Variants in WNT4 observed in about 807,000 individuals in gnomAD.
WNT4 encodes the protein Wnt family member 4.
Under a neutral mutation model 34.5 loss-of-function variants are expected in WNT4, and 16 were observed. The ratio of observed to expected loss-of-function variants is 0.46; its 90% CI spans 0.31 to 0.70. The LOEUF (loss-of-function observed/expected upper bound fraction) is 0.70. Among genes scored for constraint, WNT4 ranks in the 30% least tolerant of loss-of-function variants. WNT4 has a pLI of 0.04. For synonymous variants in WNT4, 200 were observed against 211.9 expected, an observed-to-expected ratio of 0.94 and a Z score of 0.49; for missense variants, 379 against 495.9, an observed-to-expected ratio of 0.76 and a Z score of 2.24.
At chr1:22,136,525 G>T (rs1646022855) in intron 1 of WNT4, among the ~76,000 whole-genome samples, 1 of 152,150 alleles carries the variant, frequency 6.6e-6, no homozygotes, top group Admixed American at 6.5e-5. Flanking sequence ...CCTTCCAAAG[G>T]CCCAGTCCTA....
At position 22,137,451 on chromosome 1, in the gene WNT4, C is replaced by T. The variant is rs1646031742; in HGVS notation, c.77+5395G>A. On this transcript the variant is annotated intron_variant, in intron 1 of 4. Coordinates refer to ENST00000290167, the MANE Select transcript of WNT4 (RefSeq NM_030761.5). The surrounding 1 kb of genome is among the most constrained non-coding windows in gnomAD (Gnocchi z 5.3). ...CCCACGGCAGGCAGCTGTCACCCCA[C>T]CCATGGCTCCCTGGCCAATCTGCGC... 6.6e-6 allele frequency among the ~76,000 whole-genome samples: 1 copy of T among 152,188 alleles called. No individual in the cohort carries two copies. The highest frequency in any genetic ancestry group is 6.5e-5 in the Admixed American group (1 of 15,292).
rs3765351 is a variant in WNT4, at chr1:22,119,498, C to T, written c.*552G>A. ...CTGTCCATGTAAGGGCTGAAATGAA[C>T]CTGGTGCCCTTGACCTGGTATCTGC... On this transcript the variant is annotated 3_prime_UTR_variant, in exon 5 of 5. Transcript: ENST00000290167. 0.5 allele frequency: 83,258 copies of T among 165,700 alleles called. 21,623 individuals carry two copies. Among genetic ancestry groups the T allele is most frequent in the Middle Eastern group, 0.57 (181 of 316 alleles). 10.3% of individuals were successfully genotyped at this position (165,700 alleles called of 1,614,324 possible). A position where few individuals can be genotyped will look rare whatever the true frequency, so the allele number is the denominator to read the frequency against.
chr1:22,132,194 G>A (rs1057397261), intron 1 of WNT4, among the ~76,000 whole-genome samples: 12 of 152,222 alleles, frequency 7.9e-5, no homozygotes, highest in Non-Finnish European at 7.4e-5. Context: ...TGCTCAGACC[G>A]AGGCTTGGCC....
intron 2 of WNT4, among the ~76,000 whole-genome samples, chr1:22,124,602 G>GTGAGGCT (rs1159258819): frequency 6.6e-6 from 1 of 152,250 alleles, no homozygotes; most frequent in Non-Finnish European, 1.5e-5. Flanking sequence ...GGAAGAAAAG[G>GTGAGGCT]TGAGGCTTGG....
chr1:22,133,849 C>T (rs925959841), intron 1 of WNT4, among the ~76,000 whole-genome samples: 75 of 152,336 alleles, frequency 4.9e-4, no homozygotes, highest in African/African-American at 8.4e-4. Context: ...CTACAGCCTG[C>T]GAGGCTGGAG....
chr1:22,130,296 T>C (rs1645973529), intron 1 of WNT4, among the ~76,000 whole-genome samples: 1 of 152,206 alleles, frequency 6.6e-6, no homozygotes, highest in Admixed American at 6.5e-5. Context: ...CCAGTGATCC[T>C]TGGCTGATCT....
At chr1:22,136,371 C>G (rs983412277) in intron 1 of WNT4, among the ~76,000 whole-genome samples, 1 of 152,216 alleles carries the variant, frequency 6.6e-6, no homozygotes. Context: ...ACCCATTGAA[C>G]TGTCCTCCCT....
At chr1:22,122,127 T>C (rs568285584) in intron 2 of WNT4, among the ~76,000 whole-genome samples, 7 of 152,342 alleles carry the variant, frequency 4.6e-5, no homozygotes, top group Non-Finnish European at 4.4e-5. Context: ...ATGTATGATC[T>C]TGCCCCTTCC....
intron 1 of WNT4, among the ~76,000 whole-genome samples, chr1:22,130,406 G>A (rs1369100111): frequency 1.3e-5 from 2 of 152,224 alleles, no homozygotes; most frequent in Non-Finnish European, 2.9e-5. Flanking sequence ...GGGACAATGA[G>A]GGCAGTGATG....
chr1:22,132,407 T>C (rs1167205149), intron 1 of WNT4, among the ~76,000 whole-genome samples: 1 of 152,178 alleles, frequency 6.6e-6, no homozygotes, highest in African/African-American at 2.4e-5. Flanking sequence ...ACCATGACCT[T>C]GGGCAAGTCC....
rs1646072094 is a variant in WNT4 at position 22,142,041 on chromosome 1, C to T, written c.77+805G>A. 6.6e-6 allele frequency among the ~76,000 whole-genome samples: 1 copy of T among 152,166 alleles called. No homozygotes were observed. The highest frequency in any genetic ancestry group is 2.1e-4 in the South Asian group (1 of 4,838). Reference sequence around the variant, plus strand: ...GCGGGTCCGCTTGCTCCCTGTCCACCCACTCACTGGAGCTCATCCCTTTAG... The same window carrying T: ...GCGGGTCCGCTTGCTCCCTGTCCACTCACTCACTGGAGCTCATCCCTTTAG... On this transcript the variant is annotated intron_variant, in intron 1 of 4. Coordinates refer to ENST00000290167, the MANE Select transcript of WNT4 (RefSeq NM_030761.5). The surrounding 1 kb of genome is among the most constrained non-coding windows in gnomAD (Gnocchi z 6.0).
Position 22,140,211 on chromosome 1 carries a change from A to G in WNT4, c.77+2635T>C. On this transcript the variant is annotated intron_variant, in intron 1 of 4. Transcript: ENST00000290167. This position sits in a 1 kb window ranked among gnomAD's most constrained non-coding sequence, Gnocchi z 5.9. Reference sequence around the variant, plus strand: ...CCTCATACCTCACACTTGAAAAGACACAGTGCCAGCCATCATGCCTGCATG... The same window carrying G: ...CCTCATACCTCACACTTGAAAAGACGCAGTGCCAGCCATCATGCCTGCATG... 3.0e-6 allele frequency: 3 copies of G among 985,386 alleles called. No homozygotes were observed. The highest frequency in any genetic ancestry group is 3.6e-6 in the Non-Finnish European group (3 of 829,918). 61.0% of individuals were successfully genotyped at this position (985,386 alleles called of 1,614,324 possible). A position where few individuals can be genotyped will look rare whatever the true frequency, so the allele number is the denominator to read the frequency against.
In WNT4 at chr1:22,139,262, C is replaced by T. The variant is rs1383083713; in HGVS notation, c.77+3584G>A. Among the ~76,000 whole-genome samples, 1 of 152,224 alleles carries T rather than the reference C, an allele frequency of 6.6e-6. No homozygotes were observed. Among genetic ancestry groups the T allele is most frequent in the Non-Finnish European group, 1.5e-5 (1 of 68,034 alleles). On this transcript the variant is annotated intron_variant, in intron 1 of 4. Coordinates refer to ENST00000290167, the MANE Select transcript of WNT4 (RefSeq NM_030761.5). This position sits in a 1 kb window ranked among gnomAD's most constrained non-coding sequence, Gnocchi z 4.6. Reference sequence around the variant, plus strand: ...AGCAGCCCTTGCTTCCGGCAGCTGCCAGGGCTGCCATTTCCATCAGCGTGC... The same window carrying T: ...AGCAGCCCTTGCTTCCGGCAGCTGCTAGGGCTGCCATTTCCATCAGCGTGC...
rs1227754138 is a variant in WNT4, at chr1:22,129,708, G to C, written c.221C>G (p.Ala74Gly). The C allele has an allele frequency of 1.2e-6, 2 of 1,613,878 alleles. No individual in the cohort carries two copies. Among genetic ancestry groups the C allele is most frequent in the Non-Finnish European group, 1.7e-6 (2 of 1,180,004 alleles). ...MDSVRRGAQL[A>G]IEECQYQFRN... ...GAACTGGTACTGGCACTCCTCAATG[G>C]CCAGCTGGGCACCGCGGCGCACCGA... Residue 74 changes from alanine to glycine, a missense_variant, in exon 2 of 5, where the codon GCC (alanine) becomes GGC (glycine). Coordinates refer to ENST00000290167, the MANE Select transcript of WNT4 (RefSeq NM_030761.5).
rs773452719 is a variant in WNT4 at position 22,121,539 on chromosome 1, C to T, written c.351G>A (p.Ser117=). 31 of 1,613,934 alleles carry T rather than the reference C, an allele frequency of 1.9e-5. No individual in the cohort carries two copies. In the South Asian group the frequency reaches 2.3e-4, roughly 12 times the overall value. The change falls in exon 3 of 5, where the codon TCG becomes TCA. Residue 117 remains serine, a synonymous_variant. Transcript: ENST00000290167. ...GCGTCACTGCAAAGGCCACACCTGC[C>T]GAAGAGATGGCGTACACGAAGGCCG... The part of the protein sequence containing the change: ...REAAFVYAIS[S]AGVAFAVTRA...
rs1188864546 is a variant in WNT4 at position 22,120,128 on chromosome 1, G to T, written c.978C>A (p.Cys326Ter). The T allele has an allele frequency of 6.2e-7, 1 of 1,613,246 alleles. No individual in the cohort carries two copies. ...HTAQVELAERCSCKFHWCCFV... is the reference protein window; with the variant it reads ...HTAQVELAER ...AGCAGCACCAGTGGAATTTGCAGCTGCAGCGTTCAGCCAGCTCCACCTGCG... is the reference window on the plus strand; with the variant it reads ...AGCAGCACCAGTGGAATTTGCAGCTTCAGCGTTCAGCCAGCTCCACCTGCG... Residue 326 changes from cysteine to a stop codon, truncating the protein, a stop_gained, in exon 5 of 5, where the codon TGC (cysteine) becomes TGA (stop). Coordinates refer to ENST00000290167, the MANE Select transcript of WNT4 (RefSeq NM_030761.5). LOFTEE classifies it high-confidence loss of function.
chr1:22,120,557 G>T (rs1645888594), intron 4 of WNT4, 40 bp from the exon 5 acceptor site: 1 of 1,569,268 alleles, frequency 6.4e-7, no homozygotes, highest in Non-Finnish European at 8.6e-7. Flanking sequence ...TCAGGAGATG[G>T]CAAGGGAAGG....
intron 2 of WNT4, chr1:22,127,532 A>C: frequency 2.0e-6 from 1 of 507,060 alleles, no homozygotes; most frequent in South Asian, 1.5e-5. Flanking sequence ...AAAGGGCCCG[A>C]GTCCTAGTGA....
At chr1:22,138,138 A>G (rs1484271440) in intron 1 of WNT4, among the ~76,000 whole-genome samples, 1 of 152,240 alleles carries the variant, frequency 6.6e-6, no homozygotes, top group Non-Finnish European at 1.5e-5. Context: ...AGAGTTATAT[A>G]TAATATGAAA....
Sources: gnomAD v4.1 joint callset for allele counts (sites outside exome capture counted in the v4.1 genomes callset) on GRCh38, gnomAD v4.1.1 for gene constraint, Gnocchi (gnomAD v3.1) non-coding constraint, MANE v1.5 for transcripts, NCBI Gene and HGNC (gene_info 2026-07-23, HGNC 2026-07-21) for gene names.